IFNGR2: variants seen among roughly 807,000 people sequenced by gnomAD.
IFNGR2 encodes the protein IFN-gamma receptor 2.
In IFNGR2, 15 loss-of-function variants were observed where a neutral mutation model predicts 41.1. The ratio of observed to expected loss-of-function variants is 0.37; its 90% CI spans 0.24 to 0.56. The LOEUF is 0.56. Ranked by LOEUF, IFNGR2 falls within the 20% of genes least tolerant of loss-of-function variation. The pLI is 0.81. For missense variants in IFNGR2, 362 were observed against 415.7 expected, an observed-to-expected ratio of 0.87 and a Z score of 1.12; for synonymous variants, 161 against 171.6, an observed-to-expected ratio of 0.94 and a Z score of 0.48.
intron 1 of IFNGR2, among the ~76,000 whole-genome samples, chr21:33,403,948 G>C (rs564747301): frequency 6.6e-6 from 1 of 152,230 alleles, no homozygotes; most frequent in East Asian, 1.9e-4. Context: ...CCTGGCCGCC[G>C]GGACACCCCT....
chr21:33,421,640 C>T lies in IFNGR2; in HGVS notation c.367C>T (p.His123Tyr), dbSNP rs2083793388. 1 of 1,614,050 alleles carries T rather than the reference C, an allele frequency of 6.2e-7. No homozygotes were observed. The highest frequency in any genetic ancestry group is 2.2e-5 in the East Asian group (1 of 44,878). Reference protein sequence around the residue: ...LRLRAELGALHSAWVTMPWFQ... With the variant: ...LRLRAELGALYSAWVTMPWFQ... ...CCTTCGAGCTGAGCTGGGAGCACTCCATTCTGCCTGGGTGACAATGCCTTG... is the reference window on the plus strand; with the variant it reads ...CCTTCGAGCTGAGCTGGGAGCACTCTATTCTGCCTGGGTGACAATGCCTTG... The change falls in exon 3 of 7, where the codon CAT becomes TAT. Residue 123 changes from histidine (H) to tyrosine (Y), a missense_variant. His to Tyr is a moderately conservative substitution (Grantham distance 83, BLOSUM62 2). Coordinates refer to ENST00000290219, the MANE Select transcript of IFNGR2 (RefSeq NM_005534.4).
At chr21:33,435,119 G>A (rs1393149387) in intron 6 of IFNGR2, among the ~76,000 whole-genome samples, 1 of 152,180 alleles carries the variant, frequency 6.6e-6, no homozygotes, top group African/African-American at 2.4e-5. Context: ...CCAAGAGCTA[G>A]ACACTAGATT....
chr21:33,433,222 C>G (rs2083907711), intron 6 of IFNGR2, among the ~76,000 whole-genome samples: 1 of 152,146 alleles, frequency 6.6e-6, no homozygotes. Flanking sequence ...CAGGGCCCCA[C>G]TGCCCCTGGC....
chr21:33,413,139 T>G (rs1460214424), intron 1 of IFNGR2, among the ~76,000 whole-genome samples: 1 of 152,204 alleles, frequency 6.6e-6, no homozygotes, highest in African/African-American at 2.4e-5. Context: ...CCTCTCTGTG[T>G]GACTGTGAGG....
At chr21:33,404,311 T>C (rs2083662348) in intron 1 of IFNGR2, among the ~76,000 whole-genome samples, 1 of 152,132 alleles carries the variant, frequency 6.6e-6, no homozygotes, top group Non-Finnish European at 1.5e-5. Context: ...TGACACTGGG[T>C]GTGAAATCTA....
In IFNGR2 at chr21:33,432,812, A is replaced by G; in HGVS notation, c.820A>G (p.Arg274Gly). The change falls in exon 6 of 7, where the codon AGA (arginine) becomes GGA (glycine). Residue 274 changes from arginine (R) to glycine (G), a missense_variant. Coordinates refer to ENST00000290219, the MANE Select transcript of IFNGR2 (RefSeq NM_005534.4). ...CTGTTTCTTCCTGGTCCTGAAATAT[A>G]GAGGCCTGATTAAATACTGGTTTCA... ...GACFFLVLKY[R>G]GLIKYWFHTP... 1 of 1,613,502 alleles carries G rather than the reference A, an allele frequency of 6.2e-7. No homozygotes were observed. The highest frequency in any genetic ancestry group is 8.5e-7 in the Non-Finnish European group (1 of 1,179,730).
chr21:33,436,935 G>C lies in IFNGR2; in HGVS notation c.987G>C (p.Glu329Asp). 6.2e-7 allele frequency: 1 copy of C among 1,613,984 alleles called. No homozygotes were observed. The highest frequency in any genetic ancestry group is 1.6e-4 in the Middle Eastern group (1 of 6,062). ...SVSIISFPEKEQEDVLQTL is the reference protein window; with the variant it reads ...SVSIISFPEKDQEDVLQTL Reference sequence around the variant, plus strand: ...CCATTATCTCGTTTCCGGAAAAGGAGCAAGAAGATGTTCTCCAAACGCTTT... The same window carrying C: ...CCATTATCTCGTTTCCGGAAAAGGACCAAGAAGATGTTCTCCAAACGCTTT... The change falls in exon 7 of 7, where the codon GAG (glutamate) becomes GAC (aspartate). Residue 329 changes from glutamate (E) to aspartate (D), a missense_variant. By Grantham distance (45) the Glu-to-Asp change is conservative. Transcript: ENST00000290219.
At chr21:33,421,754 A>G in intron 3 of IFNGR2, 69 bp downstream of exon 3, 1 of 1,186,724 alleles carries the variant, frequency 8.4e-7, no homozygotes, top group African/African-American at 1.5e-5. Flanking sequence ...TATCGACTCC[A>G]CACACCTCTG....
intron 3 of IFNGR2, among the ~76,000 whole-genome samples, chr21:33,425,060 C>G (rs2083824787): frequency 6.6e-6 from 1 of 152,142 alleles, no homozygotes; most frequent in African/African-American, 2.4e-5. Context: ...CTGGCATGCA[C>G]CACCATGCCC....
intron 1 of IFNGR2, among the ~76,000 whole-genome samples, chr21:33,408,359 CTAATTT>C (rs2083692736): frequency 1.3e-5 from 2 of 152,028 alleles, no homozygotes; most frequent in Non-Finnish European, 2.9e-5. Context: ...CCGCACCTGG[CTAATTT>C]TTGTATTTTT....
At chr21:33,418,407 C>T (rs116929022) in intron 2 of IFNGR2, among the ~76,000 whole-genome samples, 201 of 152,100 alleles carry the variant, frequency 1.3e-3, no homozygotes, top group Non-Finnish European at 2.2e-3. Context: ...TGTGAATATT[C>T]CTGTTAGAAA....
At chr21:33,427,560 A>G (rs1240383417) in intron 4 of IFNGR2, among the ~76,000 whole-genome samples, 4 of 152,150 alleles carry the variant, frequency 2.6e-5, no homozygotes, top group Non-Finnish European at 4.4e-5. Flanking sequence ...CAGAAATGCA[A>G]TCCACAAGGG....
chr21:33,411,863 G>A (rs2083718919), intron 1 of IFNGR2, among the ~76,000 whole-genome samples: 1 of 152,184 alleles, frequency 6.6e-6, no homozygotes, highest in Non-Finnish European at 1.5e-5. Context: ...TTAAACTTCT[G>A]ACCAGCAGAA....
chr21:33,432,481 T>C, intron 5 of IFNGR2, 145 bp downstream of exon 5: 1 of 915,356 alleles, frequency 1.1e-6, no homozygotes, highest in Non-Finnish European at 1.8e-6. Context: ...ATAATGAGCT[T>C]GTGCTGAGAT....
intron 4 of IFNGR2, among the ~76,000 whole-genome samples, chr21:33,427,558 C>T (rs1049787258): frequency 6.6e-5 from 10 of 152,142 alleles, no homozygotes; most frequent in Admixed American, 6.6e-5. Context: ...GTCAGAAATG[C>T]AATCCACAAG....
chr21:33,406,718 G>A (rs1302693150), intron 1 of IFNGR2, among the ~76,000 whole-genome samples: 1 of 149,104 alleles, frequency 6.7e-6, no homozygotes, highest in Non-Finnish European at 1.5e-5. Context: ...CATGATCACA[G>A]CTCACTGCAG....
chr21:33,418,283 C>T (rs1255690602), intron 2 of IFNGR2, among the ~76,000 whole-genome samples: 1 of 152,172 alleles, frequency 6.6e-6, no homozygotes, highest in Non-Finnish European at 1.5e-5. Flanking sequence ...TCTCGAACTC[C>T]TGACCTCAGG....
chr21:33,414,361 C>A (rs116391650), intron 1 of IFNGR2, among the ~76,000 whole-genome samples: 3 of 119,750 alleles, frequency 2.5e-5, no homozygotes, highest in Non-Finnish European at 3.9e-5. Context: ...TGTGTTTTTG[C>A]GTGTGTAGTG....
chr21:33,418,595 C>T (rs1279345765), intron 2 of IFNGR2, among the ~76,000 whole-genome samples: 1 of 152,130 alleles, frequency 6.6e-6, no homozygotes, highest in Non-Finnish European at 1.5e-5. Flanking sequence ...TACAATAAAG[C>T]ATTGCTATGA....
Sources: gnomAD v4.1 joint callset for allele counts (sites outside exome capture counted in the v4.1 genomes callset) on GRCh38, gnomAD v4.1.1 for gene constraint, MANE v1.5 for transcripts, NCBI Gene and HGNC (gene_info 2026-07-23, HGNC 2026-07-21) for gene names.